The following DPY19L3 variants were observed in gnomAD, a reference collection of about 807,000 sequenced individuals.
DPY19L3 encodes protein C-mannosyl-transferase DPY19L3.
Under a neutral mutation model 92.3 loss-of-function variants are expected in DPY19L3, and 51 were observed. That is an observed-to-expected ratio of 0.55 (90% CI 0.44 to 0.70). The LOEUF (loss-of-function observed/expected upper bound fraction) is 0.70. DPY19L3 is among the 30% of genes least tolerant of loss of function. The probability of loss-of-function intolerance (pLI) is 0.00; values close to 1 mark genes in which losing one functional copy is unlikely to be tolerated. For missense variants in DPY19L3, 706 were observed against 855.9 expected, an observed-to-expected ratio of 0.82 and a Z score of 2.18; for synonymous variants, 309 against 315.2, an observed-to-expected ratio of 0.98 and a Z score of 0.21.
chr19:32,478,021 G>A (rs575670232), intron 17 of DPY19L3, among the ~76,000 whole-genome samples: 7 of 152,114 alleles, frequency 4.6e-5, no homozygotes, highest in African/African-American at 7.2e-5. Context: ...AGAACAGCAC[G>A]GGAAAGACTT....
chr19:32,482,307 G>C lies in DPY19L3; in HGVS notation c.*67G>C. The C allele has an allele frequency of 1.3e-6, 2 of 1,553,436 alleles. No homozygotes were observed. Among genetic ancestry groups the C allele is most frequent in the Non-Finnish European group, 1.7e-6 (2 of 1,148,282 alleles). On this transcript the variant is annotated 3_prime_UTR_variant, in exon 19 of 19. Transcript: ENST00000392250. ...TGCATCATGATGAAACTCAATAGAT[G>C]ACGTTTCCTATGTAAGTAGGTAGCC...
intron 8 of DPY19L3, among the ~76,000 whole-genome samples, chr19:32,451,303 A>G (rs1969691852): frequency 6.6e-6 from 1 of 152,234 alleles, no homozygotes; most frequent in African/African-American, 2.4e-5. Flanking sequence ...CTGCTGTGAA[A>G]TCAATATTAT....
intron 3 of DPY19L3, among the ~76,000 whole-genome samples, chr19:32,418,165 C>T (rs1968439875): frequency 6.6e-6 from 1 of 152,228 alleles, no homozygotes; most frequent in Admixed American, 6.5e-5. Flanking sequence ...CTTTTCCCCA[C>T]CCACCACCCT....
At chr19:32,451,891 G>A (rs918768088) in intron 8 of DPY19L3, among the ~76,000 whole-genome samples, 3 of 152,054 alleles carry the variant, frequency 2.0e-5, no homozygotes, top group Non-Finnish European at 2.9e-5. Context: ...CTGGAATGGA[G>A]TGGAGCGATC....
chr19:32,432,841 T>C (rs1311920252), intron 4 of DPY19L3, 35 bp downstream of exon 4: 1 of 1,591,920 alleles, frequency 6.3e-7, no homozygotes, highest in Non-Finnish European at 8.6e-7. Flanking sequence ...TGGGGTCTCC[T>C]GCATTTTTTT....
At chr19:32,440,386 T>C (rs1010079953) in intron 8 of DPY19L3, among the ~76,000 whole-genome samples, 8 of 152,228 alleles carry the variant, frequency 5.3e-5, no homozygotes, top group Admixed American at 6.5e-5. Flanking sequence ...TGTCTCCTAA[T>C]GTCTGCTGCT....
At chr19:32,465,153 A>G (rs1054056619) in intron 15 of DPY19L3, among the ~76,000 whole-genome samples, 2 of 152,246 alleles carry the variant, frequency 1.3e-5, no homozygotes, top group Non-Finnish European at 2.9e-5. Context: ...TTTTAAATGT[A>G]TCTTACTTTA....
chr19:32,429,527 C>T (rs998174994), intron 3 of DPY19L3, among the ~76,000 whole-genome samples: 1 of 152,176 alleles, frequency 6.6e-6, no homozygotes, highest in African/African-American at 2.4e-5. Context: ...AATTAGGTCC[C>T]CCTCTGTTCT....
chr19:32,431,651 T>C (rs142190374), intron 3 of DPY19L3, among the ~76,000 whole-genome samples: 201 of 152,346 alleles, frequency 1.3e-3, no homozygotes, highest in African/African-American at 4.6e-3. Context: ...ATGAAATTCA[T>C]TTATGTTTTA....
At chr19:32,478,496 A>G (rs1970580091) in intron 17 of DPY19L3, among the ~76,000 whole-genome samples, 1 of 152,222 alleles carries the variant, frequency 6.6e-6, no homozygotes, top group Non-Finnish European at 1.5e-5. Context: ...ATACAAAAGG[A>G]AATATGGTGA....
intron 3 of DPY19L3, among the ~76,000 whole-genome samples, chr19:32,413,795 G>A (rs1026110289): frequency 2.0e-5 from 3 of 151,964 alleles, no homozygotes; most frequent in South Asian, 2.1e-4. Context: ...ATTACAGCTC[G>A]CTGCAGCCCC....
intron 3 of DPY19L3, among the ~76,000 whole-genome samples, chr19:32,423,981 C>T (rs1328928497): frequency 6.6e-6 from 1 of 151,624 alleles, no homozygotes; most frequent in Non-Finnish European, 1.5e-5. Context: ...CCATTGGCCT[C>T]CAGCCTGGGT....
chr19:32,450,724 G>A (rs972861819), intron 8 of DPY19L3, among the ~76,000 whole-genome samples: 1 of 152,178 alleles, frequency 6.6e-6, no homozygotes, highest in Non-Finnish European at 1.5e-5. Context: ...ATGATGGAGA[G>A]TGATGGCTAG....
Position 32,413,547 on chromosome 19 carries a change from C to A in DPY19L3, c.237+2175C>A, listed in dbSNP as rs551830315. On this transcript the variant is annotated intron_variant, in intron 3 of 18. Coordinates refer to ENST00000392250, the MANE Select transcript of DPY19L3 (RefSeq NM_001172774.2). Reference sequence around the variant, plus strand: ...CATGTGCCATGCTGGTGCGCTGCACCCACTAACTCGTCATCTAGCATTAGG... The same window carrying A: ...CATGTGCCATGCTGGTGCGCTGCACACACTAACTCGTCATCTAGCATTAGG... Among the ~76,000 whole-genome samples, 7 of 151,640 alleles carry A rather than the reference C, an allele frequency of 4.6e-5. No individual in the cohort carries two copies. In the East Asian group the frequency reaches 9.7e-4, roughly 21 times the overall value.
At chr19:32,442,978 TCTCA>T (rs912360627) in intron 8 of DPY19L3, among the ~76,000 whole-genome samples, 4 of 152,200 alleles carry the variant, frequency 2.6e-5, no homozygotes, top group African/African-American at 9.7e-5. Flanking sequence ...GGACTTCAAC[TCTCA>T]CTCAGTGGTA....
chr19:32,441,453 C>G (rs1485477305), intron 8 of DPY19L3, among the ~76,000 whole-genome samples: 1 of 149,082 alleles, frequency 6.7e-6, no homozygotes, highest in Non-Finnish European at 1.5e-5. Flanking sequence ...TCTTTTTGTT[C>G]TTTAGATCTT....
rs1031627526 is a variant in DPY19L3, at chr19:32,484,639, C to T, written c.*2399C>T. The T allele has an allele frequency of 5.3e-5, 8 of 152,232 alleles. No individual in the cohort carries two copies. Among genetic ancestry groups the T allele is most frequent in the Admixed American group, 1.3e-4 (2 of 15,276 alleles). The allele number at this position is 152,232 out of a possible 1,614,324, so 9.4% of individuals were successfully genotyped here. A position where few individuals can be genotyped will look rare whatever the true frequency, so the allele number is the denominator to read the frequency against. On this transcript the variant is annotated 3_prime_UTR_variant, in exon 19 of 19. Transcript: ENST00000392250. ...CCGGAGTCTCCATCTCTCTCGTAAGCCACCTGCCACAGCACAGCTGGAGGC... is the reference window on the plus strand; with the variant it reads ...CCGGAGTCTCCATCTCTCTCGTAAGTCACCTGCCACAGCACAGCTGGAGGC...
intron 8 of DPY19L3, among the ~76,000 whole-genome samples, chr19:32,445,439 T>TAAAAAA (rs1969461359): frequency 9.2e-4 from 2 of 2,176 alleles, no homozygotes; most frequent in East Asian, 0.011. Context: ...AGACTTCATC[T>TAAAAAA]CAAAAAAAAA....
chr19:32,475,814 C>G (rs919290910), intron 16 of DPY19L3, among the ~76,000 whole-genome samples: 5 of 152,218 alleles, frequency 3.3e-5, no homozygotes, highest in African/African-American at 1.2e-4. Flanking sequence ...GAGCTAACAT[C>G]TATTTGTTCT....
Sources: gnomAD v4.1 joint callset for allele counts (sites outside exome capture counted in the v4.1 genomes callset) on GRCh38, gnomAD v4.1.1 for gene constraint, MANE v1.5 for transcripts, NCBI Gene and HGNC (gene_info 2026-07-23, HGNC 2026-07-21) for gene names.